The following GTF2H1 variants were observed in gnomAD, a reference collection of about 807,000 sequenced individuals.
GTF2H1 encodes BTF2 p62.
A neutral mutation model predicts 71.2 loss-of-function variants in GTF2H1; 16 were observed. That is an observed-to-expected ratio of 0.22 (90% CI 0.15 to 0.34). GTF2H1 has a LOEUF of 0.34. GTF2H1 is among the 10% of genes least tolerant of loss of function. The pLI, the probability that GTF2H1 is intolerant of heterozygous loss-of-function variation, is 1.00. For synonymous variants in GTF2H1, 215 were observed against 219.0 expected (o/e 0.98, Z 0.16); for missense variants, 498 against 648.2 (o/e 0.77, Z 2.52).
At chr11:18,325,475 T>C (rs912206048) in intron 1 of GTF2H1, among the ~76,000 whole-genome samples, 2 of 152,218 alleles carry the variant, frequency 1.3e-5, no homozygotes, top group African/African-American at 2.4e-5. Flanking sequence ...TCTTGGACTC[T>C]TCTTATAGGC....
intron 9 of GTF2H1, among the ~76,000 whole-genome samples, chr11:18,350,955 C>T (rs1865406982): frequency 6.6e-6 from 1 of 151,946 alleles, no homozygotes; most frequent in Non-Finnish European, 1.5e-5. Context: ...AACCCAAATA[C>T]GTGGAGGAAT....
chr11:18,338,058 T>G (rs112874399), intron 3 of GTF2H1, 51 bp from the exon 4 acceptor site: 1 of 1,206,896 alleles, frequency 8.3e-7, no homozygotes, highest in South Asian at 1.4e-5. Context: ...TGTACCTACA[T>G]GGTGTTTTAT....
rs59500473 is a variant in GTF2H1, at chr11:18,351,237, A to AAAAAAATT, written c.1054-644_1054-643insAAAAAATT. Among the ~76,000 whole-genome samples, 934 of 151,112 alleles carry AAAAAAATT rather than the reference A, an allele frequency of 6.2e-3. 29 individuals are homozygous for AAAAAAATT. The South Asian group carries it at 0.08, about 13-fold the overall frequency. On this transcript the variant is annotated intron_variant, in intron 9 of 14. Transcript: ENST00000265963. ...GGTGATATGCGCCTAGAAAAAAAAA[A>AAAAAAATT]TTTTTTAAGCCACAGATGTATAAGC...
intron 9 of GTF2H1, chr11:18,348,309 T>G (rs576062972): frequency 2.3e-5 from 7 of 310,618 alleles, no homozygotes; most frequent in Middle Eastern, 8.4e-4. Flanking sequence ...GGCCCTCATG[T>G]TAAACCTAGC....
chr11:18,338,814 T>C (rs188535054), intron 4 of GTF2H1, among the ~76,000 whole-genome samples: 1 of 152,198 alleles, frequency 6.6e-6, no homozygotes, highest in African/African-American at 2.4e-5. Context: ...TTACCAGTTA[T>C]GTTTTCTTGG....
chr11:18,335,461 C>T (rs571367043), intron 2 of GTF2H1, among the ~76,000 whole-genome samples: 5 of 152,296 alleles, frequency 3.3e-5, no homozygotes, highest in Admixed American at 2.0e-4. Flanking sequence ...GTCTGCCCTG[C>T]CCTAGTTGAA....
At chr11:18,343,750 C>T (rs531033266) in intron 7 of GTF2H1, among the ~76,000 whole-genome samples, 1 of 152,324 alleles carries the variant, frequency 6.6e-6, no homozygotes, top group South Asian at 2.1e-4. Flanking sequence ...TCCTCATAAA[C>T]GTATCTCCAT....
chr11:18,360,744 C>A, intron 14 of GTF2H1, 37 bp downstream of exon 14: 2 of 1,021,728 alleles, frequency 2.0e-6, no homozygotes, highest in South Asian at 1.5e-5. Flanking sequence ...GATCTTCTTT[C>A]TCTTTGTAGT....
At chr11:18,345,290 T>C (rs1865263765) in intron 7 of GTF2H1, among the ~76,000 whole-genome samples, 1 of 152,172 alleles carries the variant, frequency 6.6e-6, no homozygotes, top group Non-Finnish European at 1.5e-5. Flanking sequence ...CACTTCATCA[T>C]GTTACCCTCT....
Position 18,358,057 on chromosome 11 carries a change from A to G in GTF2H1, c.1351+15A>G. The G allele has an allele frequency of 6.4e-7, 1 of 1,570,586 alleles. No homozygotes were observed. Among genetic ancestry groups the G allele is most frequent in the Non-Finnish European group, 8.8e-7 (1 of 1,141,132 alleles). On this transcript the variant is annotated intron_variant, in intron 12 of 14. Transcript: ENST00000265963. ...AGCCATAAACCGTATGTGCCGGGCCATCTTCTACTACTTTCTGCCTAAATC... is the reference window on the plus strand; with the variant it reads ...AGCCATAAACCGTATGTGCCGGGCCGTCTTCTACTACTTTCTGCCTAAATC...
chr11:18,341,857 C>A lies in GTF2H1; in HGVS notation c.837+250C>A, dbSNP rs1349522939. On this transcript the variant is annotated intron_variant, in intron 7 of 14. Transcript: ENST00000265963. ...ATTTCTAGCTCCCTCATCCGCAGTT[C>A]TCTAGTAATAATAAAGGCTTAATGT... 19 of 333,696 alleles carry A rather than the reference C, an allele frequency of 5.7e-5. No individual in the cohort carries two copies. The East Asian group carries it at 1.1e-3, about 20-fold the overall frequency. The allele number at this position is 333,696 out of a possible 1,614,324, so 20.7% of individuals were successfully genotyped here. A position where few individuals can be genotyped will look rare whatever the true frequency, so the allele number is the denominator to read the frequency against.
chr11:18,347,462 A>T, intron 7 of GTF2H1, 126 bp from the exon 8 acceptor site: 1 of 598,008 alleles, frequency 1.7e-6, no homozygotes, highest in Non-Finnish European at 2.9e-6. Flanking sequence ...GTTTGTTCAT[A>T]AATATTTAAT....
Position 18,358,601 on chromosome 11 carries a change from G to T in GTF2H1, c.1428G>T (p.Trp476Cys). 6.2e-7 allele frequency: 1 copy of T among 1,611,864 alleles called. No homozygotes were observed. The highest frequency in any genetic ancestry group is 8.5e-7 in the Non-Finnish European group (1 of 1,178,054). Reference protein sequence around the residue: ...VAVGELLRHFWSCFPVNTPFL... With the variant: ...VAVGELLRHFCSCFPVNTPFL... Reference sequence around the variant, plus strand: ...TTGGAGAACTTCTACGACATTTCTGGTCCTGCTTTCCTGTTAATACGCCAT... The same window carrying T: ...TTGGAGAACTTCTACGACATTTCTGTTCCTGCTTTCCTGTTAATACGCCAT... The change falls in exon 13 of 15, where the codon TGG becomes TGT. Residue 476 changes from tryptophan (W) to cysteine (C), a missense_variant. Trp to Cys is a radical substitution (Grantham distance 215, BLOSUM62 -2). Transcript: ENST00000265963.
intron 5 of GTF2H1, 27 bp downstream of exon 5, chr11:18,339,684 G>A (rs1395092259): frequency 1.6e-6 from 2 of 1,281,294 alleles, no homozygotes; most frequent in Non-Finnish European, 1.1e-6. Context: ...CTTTCAGATG[G>A]TTAAAATATA....
intron 7 of GTF2H1, among the ~76,000 whole-genome samples, chr11:18,343,321 A>T (rs1656483854): frequency 6.6e-6 from 1 of 152,192 alleles, no homozygotes; most frequent in Admixed American, 6.5e-5. Context: ...AGTGCGTAAT[A>T]AGTAGTAGGT....
intron 1 of GTF2H1, among the ~76,000 whole-genome samples, chr11:18,329,188 T>A (rs904624461): frequency 6.6e-6 from 1 of 152,204 alleles, no homozygotes; most frequent in Non-Finnish European, 1.5e-5. Flanking sequence ...TGGAATTTTT[T>A]AAATCCCTTT....
At chr11:18,337,178 C>T (rs984152000) in intron 3 of GTF2H1, among the ~76,000 whole-genome samples, 2 of 152,178 alleles carry the variant, frequency 1.3e-5, no homozygotes, top group Admixed American at 6.5e-5. Context: ...CCTGTAGTCT[C>T]AGCACTTTTC....
Position 18,353,889 on chromosome 11 carries a change from G to A in GTF2H1, c.1260+1443G>A, listed in dbSNP as rs142820217. Among the ~76,000 whole-genome samples, 19 of 152,210 alleles carry A rather than the reference G, an allele frequency of 1.2e-4. No individual in the cohort carries two copies. The East Asian group carries it at 3.7e-3, about 29-fold the overall frequency. On this transcript the variant is annotated intron_variant, in intron 11 of 14. Coordinates refer to ENST00000265963, the MANE Select transcript of GTF2H1 (RefSeq NM_005316.4). ...TCTCTTAAATAACAGTACAATTATA[G>A]AATTAGTAAGTTAACATTGATGATG...
In GTF2H1 at chr11:18,339,570, G is replaced by A. The variant is rs1354116925; in HGVS notation, c.520G>A (p.Val174Ile). The A allele has an allele frequency of 1.2e-6, 2 of 1,611,590 alleles. No individual in the cohort carries two copies. The highest frequency in any genetic ancestry group is 8.5e-7 in the Non-Finnish European group (1 of 1,177,894). Residue 174 changes from valine to isoleucine, a missense_variant, in exon 5 of 15, where the codon GTC becomes ATC. Val to Ile is a conservative substitution (Grantham distance 29). Transcript: ENST00000265963. ...TGTATGGGCTTTGTTTTAGGCTGAT[G>A]TCCGGCCCCAAACTGATGGCTGTAA... ...VGISAAFLAD[V>I]RPQTDGCNGL...
Sources: gnomAD v4.1 joint callset for allele counts (sites outside exome capture counted in the v4.1 genomes callset) on GRCh38, gnomAD v4.1.1 for gene constraint, MANE v1.5 for transcripts, NCBI Gene and HGNC (gene_info 2026-07-23, HGNC 2026-07-21) for gene names.